CHPF2: variants seen among roughly 807,000 people sequenced by gnomAD.
CHPF2 encodes the protein chondroitin polymerizing factor 2, non-catalytic subunit.
CHPF2 carries 58 observed loss-of-function variants against 63.0 expected under a neutral mutation model. The observed-to-expected ratio is 0.92, with a 90% CI of 0.75 to 1.15. The LOEUF (loss-of-function observed/expected upper bound fraction) is 1.15. CHPF2 is among the 50% of genes most tolerant of loss of function. The pLI is 0.00. For missense variants in CHPF2, 1,045 were observed against 1,035.4 expected (o/e 1.01, Z -0.13); for synonymous variants, 442 against 438.0 (o/e 1.01, Z -0.11).
chr7:151,236,089 G>C (rs1802637047), intron 2 of CHPF2, among the ~76,000 whole-genome samples: 1 of 152,212 alleles, frequency 6.6e-6, no homozygotes, highest in Admixed American at 6.5e-5. Flanking sequence ...AGAACAATGG[G>C]AATCTTTGGG....
chr7:151,238,284 G>C lies in CHPF2; in HGVS notation c.1922G>C (p.Gly641Ala), dbSNP rs1232363574. 1 of 1,611,238 alleles carries C rather than the reference G, an allele frequency of 6.2e-7. No individual in the cohort carries two copies. The highest frequency in any genetic ancestry group is 1.7e-5 in the Admixed American group (1 of 59,978). ...CAGAGATCACCCCCAGGGCCCCCGG[G>C]GGCTGGCCCTGACCCCCCCTCCCCT... ...SPQRSPPGPP[G>A]AGPDPPSPPG... Residue 641 changes from glycine to alanine, a missense_variant, in exon 4 of 4, where the codon GGG becomes GCG. By Grantham distance (60) the Gly-to-Ala change is moderately conservative. Coordinates refer to ENST00000035307, the MANE Select transcript of CHPF2 (RefSeq NM_019015.3).
In CHPF2 at chr7:151,232,869, C is replaced by G. The variant is rs540073449; in HGVS notation, c.-1143C>G. On this transcript the variant is annotated 5_prime_UTR_variant, in exon 1 of 4. Coordinates refer to ENST00000035307, the MANE Select transcript of CHPF2 (RefSeq NM_019015.3). ...TCCGACCCCGCCTCGCAGAACGACC[C>G]GAGCTGGTCTCCCGAGCCCCCTTCT... The G allele has an allele frequency of 4.6e-4, 648 of 1,419,496 alleles. 6 individuals carry two copies. In the Admixed American group the frequency reaches 0.017, roughly 38 times the overall value. The allele number at this position is 1,419,496 out of a possible 1,614,324, so 87.9% of individuals were successfully genotyped here.
At position 151,238,550 on chromosome 7, in the gene CHPF2, C is replaced by T; in HGVS notation, c.2188C>T (p.Leu730=). Reference sequence around the variant, plus strand: ...GCCAGGGCTGGTGCAGAAGTTCTCCCTGCGAGACTGCAGCCCACGGCTCAG... The same window carrying T: ...GCCAGGGCTGGTGCAGAAGTTCTCCTTGCGAGACTGCAGCCCACGGCTCAG... ...VEPGLVQKFS[L]RDCSPRLSEE... Residue 730 remains leucine, a synonymous_variant, in exon 4 of 4, where the codon CTG becomes TTG. Transcript: ENST00000035307. The T allele has an allele frequency of 1.2e-6, 2 of 1,612,198 alleles. No homozygotes were observed. The highest frequency in any genetic ancestry group is 8.5e-7 in the Non-Finnish European group (1 of 1,179,012).
chr7:151,235,183 C>G lies in CHPF2; in HGVS notation c.399C>G (p.Tyr133Ter). The change falls in exon 2 of 4, where the codon TAC (tyrosine) becomes TAG (stop). Residue 133 changes from tyrosine to a stop codon, truncating the protein, a stop_gained. Transcript: ENST00000035307. LOFTEE classifies it high-confidence loss of function. Reference sequence around the variant, plus strand: ...CCCATCACTTCCCTCGGTTACTCTACTTCACTGGGCAGCGGGGGGCCCGGG... The same window carrying G: ...CCCATCACTTCCCTCGGTTACTCTAGTTCACTGGGCAGCGGGGGGCCCGGG... The part of the protein sequence containing the change: ...TVAHHFPRLL[Y>*]FTGQRGARAP... 1.9e-6 allele frequency: 3 copies of G among 1,613,362 alleles called. No homozygotes were observed. Among genetic ancestry groups the G allele is most frequent in the Non-Finnish European group, 2.5e-6 (3 of 1,179,688 alleles).
chr7:151,236,825 T>C (rs1293962558), intron 3 of CHPF2: 1 of 605,422 alleles, frequency 1.7e-6, no homozygotes, highest in Non-Finnish European at 3.0e-6. Flanking sequence ...TGAATGCAGC[T>C]AAAGGGGTTT....
In CHPF2 at chr7:151,237,887, G is replaced by C; in HGVS notation, c.1525G>C (p.Ala509Pro). 1.2e-6 allele frequency: 2 copies of C among 1,612,744 alleles called. No homozygotes were observed. The highest frequency in any genetic ancestry group is 1.7e-6 in the Non-Finnish European group (2 of 1,179,972). Residue 509 changes from alanine (A) to proline (P), a missense_variant, in exon 4 of 4, where the codon GCC becomes CCC. By Grantham distance (27) the Ala-to-Pro change is conservative. Coordinates refer to ENST00000035307, the MANE Select transcript of CHPF2 (RefSeq NM_019015.3). ...TGCTGCAGCCCCGGCTTTCCTCGAG[G>C]CCTTTGCAGCCAATGTCCTGGAGCC... Reference protein sequence around the residue: ...EAAAAPAFLEAFAANVLEPRE... With the variant: ...EAAAAPAFLEPFAANVLEPRE...
rs1192788074 is a variant in CHPF2 at position 151,235,255 on chromosome 7, C to T, written c.471C>T (p.Ala157=). The change falls in exon 2 of 4, where the codon GCC becomes GCT. Residue 157 remains alanine, a synonymous_variant. Transcript: ENST00000035307. The part of the protein sequence containing the change: ...QVVSHGDERP[A]WLMSETLRHL... ...TGTCTCATGGGGATGAGCGGCCCGC[C>T]TGGCTCATGTCAGAGACCCTGCGCC... The T allele has an allele frequency of 1.2e-6, 2 of 1,613,266 alleles. No homozygotes were observed. Among genetic ancestry groups the T allele is most frequent in the South Asian group, 2.2e-5 (2 of 91,078 alleles).
rs1478727156 is a variant in CHPF2, at chr7:151,235,137, T to C, written c.353T>C (p.Val118Ala). The C allele has an allele frequency of 1.2e-6, 2 of 1,611,896 alleles. No individual in the cohort carries two copies. The highest frequency in any genetic ancestry group is 1.7e-6 in the Non-Finnish European group (2 of 1,178,642). Residue 118 changes from valine (V) to alanine (A), a missense_variant, in exon 2 of 4, where the codon GTG (valine) becomes GCG (alanine). By Grantham distance (64) the Val-to-Ala change is moderately conservative. Coordinates refer to ENST00000035307, the MANE Select transcript of CHPF2 (RefSeq NM_019015.3). ...TSRATLSTLA[V>A]AVNRTVAHHF... ...CGAGCTACACTGTCCACTTTGGCCGTGGCTGTGAACCGTACGGTGGCCCAT... is the reference window on the plus strand; with the variant it reads ...CGAGCTACACTGTCCACTTTGGCCGCGGCTGTGAACCGTACGGTGGCCCAT...
In CHPF2 at chr7:151,234,167, A is replaced by G. The variant is rs931916410; in HGVS notation, c.156A>G (p.Pro52=). ...CVEAVGERGG[P]QNPDSRARLD... Reference sequence around the variant, plus strand: ...AGGCTGTAGGGGAGCGAGGAGGGCCACAGAATCCAGATTCCAGAGCTCGGC... The same window carrying G: ...AGGCTGTAGGGGAGCGAGGAGGGCCGCAGAATCCAGATTCCAGAGCTCGGC... The change falls in exon 1 of 4, where the codon CCA becomes CCG. Residue 52 remains proline, a synonymous_variant. Coordinates refer to ENST00000035307, the MANE Select transcript of CHPF2 (RefSeq NM_019015.3). 3.1e-6 allele frequency: 5 copies of G among 1,613,804 alleles called. No homozygotes were observed. The East Asian group carries it at 8.9e-5, about 29-fold the overall frequency.
chr7:151,238,678 T>C lies in CHPF2; in HGVS notation c.2316T>C (p.Thr772=). The change falls in exon 4 of 4, where the codon ACT becomes ACC. Residue 772 remains threonine, a synonymous_variant. Transcript: ENST00000035307. The part of the protein sequence containing the change: ...ALFEQEQANS[T] The stretch of plus-strand genomic sequence containing the variant: ...TTGAGCAGGAGCAGGCCAATAGCAC[T>C]TAGCCCGCCTGGGGGCCCTAACCTC... The C allele has an allele frequency of 6.2e-7, 1 of 1,608,138 alleles. No individual in the cohort carries two copies. Among genetic ancestry groups the C allele is most frequent in the Non-Finnish European group, 8.5e-7 (1 of 1,177,692 alleles).
rs750633097 is a variant in CHPF2 at position 151,237,793 on chromosome 7, C to T, written c.1431C>T (p.Ile477=). 4 of 1,612,524 alleles carry T rather than the reference C, an allele frequency of 2.5e-6. No homozygotes were observed. In the African/African-American group the frequency reaches 4.0e-5, roughly 16 times the overall value. Residue 477 remains isoleucine (I), a synonymous_variant, in exon 4 of 4, where the codon ATC becomes ATT. Coordinates refer to ENST00000035307, the MANE Select transcript of CHPF2 (RefSeq NM_019015.3). ...SLLRPLSRVE[I]LPMPYVTEAT... The stretch of plus-strand genomic sequence containing the variant: ...TGCGGCCACTGAGCCGGGTGGAAAT[C>T]CTACCTATGCCCTATGTCACTGAGG...
chr7:151,237,508 C>A lies in CHPF2; in HGVS notation c.1146C>A (p.His382Gln). 2 of 1,614,050 alleles carry A rather than the reference C, an allele frequency of 1.2e-6. No homozygotes were observed. Among genetic ancestry groups the A allele is most frequent in the Non-Finnish European group, 1.7e-6 (2 of 1,180,036 alleles). The change falls in exon 4 of 4, where the codon CAC becomes CAA. Residue 382 changes from histidine to glutamine, a missense_variant. His to Gln is a conservative substitution (Grantham distance 24). Transcript: ENST00000035307. ...VLGWDYFTEQHTFSCADGAPK... is the reference protein window; with the variant it reads ...VLGWDYFTEQQTFSCADGAPK... Reference sequence around the variant, plus strand: ...GCTGGGACTACTTCACAGAGCAGCACACCTTCTCCTGTGCAGATGGGGCTC... The same window carrying A: ...GCTGGGACTACTTCACAGAGCAGCAAACCTTCTCCTGTGCAGATGGGGCTC...
At chr7:151,236,189 G>C (rs1013477755) in intron 2 of CHPF2, among the ~76,000 whole-genome samples, 2 of 152,222 alleles carry the variant, frequency 1.3e-5, no homozygotes, top group South Asian at 2.1e-4. Flanking sequence ...AATGCACTGA[G>C]AGTAGCCGAG....
In CHPF2 at chr7:151,233,900, G is replaced by C; in HGVS notation, c.-112G>C. ...GCCTCGCTCTGTCTTTGGCCTCATT[G>C]ACCCCAGGTTCTCTGGTTAAAACTG... On this transcript the variant is annotated 5_prime_UTR_variant, in exon 1 of 4. Coordinates refer to ENST00000035307, the MANE Select transcript of CHPF2 (RefSeq NM_019015.3). The C allele has an allele frequency of 7.3e-7, 1 of 1,362,574 alleles. No homozygotes were observed. The highest frequency in any genetic ancestry group is 2.7e-5 in the East Asian group (1 of 36,506). The allele number at this position is 1,362,574 out of a possible 1,614,324, so 84.4% of individuals were successfully genotyped here. A position where few individuals can be genotyped will look rare whatever the true frequency, so the allele number is the denominator to read the frequency against.
rs1389753551 is a variant in CHPF2, at chr7:151,235,216, A to C, written c.432A>C (p.Ala144=). The change falls in exon 2 of 4, where the codon GCA becomes GCC. Residue 144 remains alanine (A), a synonymous_variant. Transcript: ENST00000035307. ...FTGQRGARAP[A]GMQVVSHGDE... The stretch of plus-strand genomic sequence containing the variant: ...GGCAGCGGGGGGCCCGGGCTCCAGC[A>C]GGGATGCAGGTGGTGTCTCATGGGG... The C allele has an allele frequency of 6.2e-7, 1 of 1,613,060 alleles. No individual in the cohort carries two copies.
In CHPF2 at chr7:151,232,892, TC is replaced by T. The variant is rs2150580724; in HGVS notation, c.-1119del. On this transcript the variant is annotated 5_prime_UTR_variant, in exon 1 of 4. An upstream open reading frame in the 5' UTR loses its in-frame stop. Transcript: ENST00000035307. Reference sequence around the variant, plus strand: ...CCCGAGCTGGTCTCCCGAGCCCCCTTCTCAGCAGCCCGGTGACGTGGCCAGT... The same window carrying T: ...CCCGAGCTGGTCTCCCGAGCCCCCTTTCAGCAGCCCGGTGACGTGGCCAGT... 1 of 1,381,462 alleles carries T rather than the reference TC, an allele frequency of 7.2e-7. No individual in the cohort carries two copies. Among genetic ancestry groups the T allele is most frequent in the African/African-American group, 1.5e-5 (1 of 65,580 alleles). 85.6% of individuals were successfully genotyped at this position (1,381,462 alleles called of 1,614,324 possible). A position where few individuals can be genotyped will look rare whatever the true frequency, so the allele number is the denominator to read the frequency against.
rs757528109 is a variant in CHPF2, at chr7:151,236,398, G to C, written c.829-10G>C. ...GTGTGTGTCATTGATTGGTCTGATT[G>C]TCCCTCTAGGGGCAGCAGTATCGCT... On this transcript the variant is annotated splice_polypyrimidine_tract_variant and intron_variant, in intron 2 of 3. Transcript: ENST00000035307. The C allele has an allele frequency of 1.0e-5, 16 of 1,557,688 alleles. No homozygotes were observed. The African/African-American group carries it at 1.9e-4, about 19-fold the overall frequency.
rs370511845 is a variant in CHPF2, at chr7:151,237,525, A to G, written c.1163A>G (p.Asp388Gly). The change falls in exon 4 of 4, where the codon GAT becomes GGT. Residue 388 changes from aspartate to glycine, a missense_variant. Coordinates refer to ENST00000035307, the MANE Select transcript of CHPF2 (RefSeq NM_019015.3). ...GAGCAGCACACCTTCTCCTGTGCAG[A>G]TGGGGCTCCCAAGTGCCCACTACAG... ...FTEQHTFSCA[D>G]GAPKCPLQGA... is the part of the protein sequence containing the mutation. 3.1e-6 allele frequency: 5 copies of G among 1,614,014 alleles called. No individual in the cohort carries two copies. Among genetic ancestry groups the G allele is most frequent in the African/African-American group, 2.7e-5 (2 of 75,072 alleles).
chr7:151,238,321 C>CT lies in CHPF2; in HGVS notation c.1959_1960insT (p.Pro654SerfsTer12). 2 of 1,610,136 alleles carry CT rather than the reference C, an allele frequency of 1.2e-6. No homozygotes were observed. Among genetic ancestry groups the CT allele is most frequent in the South Asian group, 2.2e-5 (2 of 90,880 alleles). ...ACCCCCCCTCCCCTCCTGGTGCTGA[C>CT]CCCTCCCGGGGGGCTCCTATAGGGG... On this transcript the variant is annotated frameshift_variant, in exon 4 of 4. Coordinates refer to ENST00000035307, the MANE Select transcript of CHPF2 (RefSeq NM_019015.3). LOFTEE classifies it high-confidence loss of function.
Sources: allele counts gnomAD v4.1 joint callset (sites outside exome capture counted in the v4.1 genomes callset), GRCh38; gene constraint gnomAD v4.1.1; transcripts MANE v1.5; gene names NCBI Gene and HGNC (gene_info 2026-07-23, HGNC 2026-07-21).